JAKMIP3: variants seen among roughly 807,000 people sequenced by gnomAD.
JAKMIP3 encodes the protein Janus kinase and microtubule interacting protein 3, also known as janus kinase and microtubule-interacting protein 3.
In JAKMIP3, 58 loss-of-function variants were observed where a neutral mutation model predicts 118.5. That is an observed-to-expected ratio of 0.49 (90% CI 0.40 to 0.61). JAKMIP3 has a LOEUF of 0.61. Among genes scored for constraint, JAKMIP3 ranks in the 20% least tolerant of loss-of-function variants. The probability of loss-of-function intolerance (pLI) is 0.00; values close to 1 mark genes in which losing one functional copy is unlikely to be tolerated. For synonymous variants in JAKMIP3, 486 were observed against 451.2 expected (o/e 1.08, Z -0.98); for missense variants, 950 against 1,109.0 (o/e 0.86, Z 2.04).
chr10:132,137,745 G>C (rs1263393288), intron 8 of JAKMIP3, among the ~76,000 whole-genome samples: 1 of 152,232 alleles, frequency 6.6e-6, no homozygotes. Flanking sequence ...TCCCCACACA[G>C]ATGTGGACGC....
intron 1 of JAKMIP3, among the ~76,000 whole-genome samples, chr10:132,100,942 G>A (rs953381567): frequency 1.3e-5 from 2 of 152,222 alleles, no homozygotes; most frequent in South Asian, 2.1e-4. Flanking sequence ...TGCCACTTGG[G>A]GGAGATTCAC....
intron 1 of JAKMIP3, among the ~76,000 whole-genome samples, chr10:132,046,404 C>T (rs981955833): frequency 1.3e-5 from 2 of 150,876 alleles, no homozygotes; most frequent in African/African-American, 4.9e-5. Context: ...TGCAGTGAGC[C>T]GAGATCGCGC....
In JAKMIP3 at chr10:132,112,055, G is replaced by C. The variant is rs1024764787; in HGVS notation, c.136-5022G>C. Among the ~76,000 whole-genome samples, 14 of 151,848 alleles carry C rather than the reference G, an allele frequency of 9.2e-5. No homozygotes were observed. In the South Asian group the frequency reaches 2.9e-3, roughly 32 times the overall value. ...GCGGGGGTAGAGCGTGCGGGTGGAC[G>C]GTGCATGGGATGCTCCAGGCTTGGG... On this transcript the variant is annotated intron_variant, in intron 2 of 23. Transcript: ENST00000684848. The surrounding 1 kb of genome is among the most constrained non-coding windows in gnomAD (Gnocchi z 4.3).
At chr10:132,119,058 G>T (rs757666778) in intron 3 of JAKMIP3, among the ~76,000 whole-genome samples, 1 of 152,130 alleles carries the variant, frequency 6.6e-6, no homozygotes, top group African/African-American at 2.4e-5. Flanking sequence ...TCTCACCCCC[G>T]ATCTGAACCC....
chr10:132,079,171 G>A (rs1345457864), intron 1 of JAKMIP3, among the ~76,000 whole-genome samples: 1 of 152,252 alleles, frequency 6.6e-6, no homozygotes, highest in Non-Finnish European at 1.5e-5. Context: ...GCCCCACAGC[G>A]CTGGGGTCTG....
At chr10:132,154,090 C>G (rs1279258741) in intron 19 of JAKMIP3, 100 bp downstream of exon 19, 1 of 967,344 alleles carries the variant, frequency 1.0e-6, no homozygotes, top group Non-Finnish European at 1.6e-6. Context: ...CCATGTGGGC[C>G]AGGTCGCAGG....
intron 3 of JAKMIP3, among the ~76,000 whole-genome samples, chr10:132,119,139 T>C (rs1373317311): frequency 2.6e-5 from 4 of 152,044 alleles, no homozygotes; most frequent in Admixed American, 1.3e-4. Flanking sequence ...AAAAGCATGC[T>C]CCAACCTGTG....
chr10:132,159,598 G>GCTGGGGGGTTC (rs2057673583), intron 19 of JAKMIP3, among the ~76,000 whole-genome samples: 3 of 74,530 alleles, frequency 4.0e-5, no homozygotes. Context: ...CTGGGGGCAT[G>GCTGGGGGGTTC]TCTTCCTATG....
At chr10:132,136,894 G>GT in intron 6 of JAKMIP3, 125 bp from the exon 7 acceptor site, 2 of 1,060,448 alleles carry the variant, frequency 1.9e-6, no homozygotes. Flanking sequence ...CCTGAGCAGA[G>GT]GCCGCCAGCC....
rs376927730 is a variant in JAKMIP3 at position 132,124,863 on chromosome 10, C to T, written c.633+7289C>T. 3.3e-5 allele frequency among the ~76,000 whole-genome samples: 5 copies of T among 152,270 alleles called. 1 individual carries two copies. In the East Asian group the frequency reaches 7.7e-4, roughly 23 times the overall value. On this transcript the variant is annotated intron_variant, in intron 3 of 23. Coordinates refer to ENST00000684848, the MANE Select transcript of JAKMIP3 (RefSeq NM_001323087.2). ...AGAGCCCCCTCTCGTTCTACATCCT[C>T]ATCAGTGACAGTATTGCCATTTCTT...
At chr10:132,126,634 T>A (rs1159825209) in intron 3 of JAKMIP3, among the ~76,000 whole-genome samples, 1 of 152,206 alleles carries the variant, frequency 6.6e-6, no homozygotes, top group Non-Finnish European at 1.5e-5. Context: ...CAGCCAGCAA[T>A]ACTCTTCATC....
At chr10:132,066,213 G>C (rs772538492) in intron 1 of JAKMIP3, among the ~76,000 whole-genome samples, 152 bp downstream of exon 1, 2 of 152,204 alleles carry the variant, frequency 1.3e-5, no homozygotes, top group Non-Finnish European at 2.9e-5. Context: ...CCTCTGAGGG[G>C]TGCAGGGACG....
At chr10:132,139,066 G>GTGTGTGTGTA (rs2052535025) in intron 9 of JAKMIP3, among the ~76,000 whole-genome samples, 1 of 151,046 alleles carries the variant, frequency 6.6e-6, no homozygotes, top group African/African-American at 2.4e-5. Context: ...GTGTGTGTGT[G>GTGTGTGTGTA]TGTATGTGTA....
At chr10:132,151,644 C>T (rs764043110) in intron 16 of JAKMIP3, among the ~76,000 whole-genome samples, 1 of 152,230 alleles carries the variant, frequency 6.6e-6, no homozygotes, top group Admixed American at 6.5e-5. Context: ...TCCCCAAAGG[C>T]ACTGCCCAGG....
intron 1 of JAKMIP3, among the ~76,000 whole-genome samples, chr10:132,096,710 C>T (rs2043915227): frequency 6.6e-6 from 1 of 152,056 alleles, no homozygotes; most frequent in South Asian, 2.1e-4. Flanking sequence ...TCCCTGCTCC[C>T]CCATTAGTAC....
At chr10:132,046,461 G>GA (rs55907923) in intron 1 of JAKMIP3, among the ~76,000 whole-genome samples, 3,287 of 147,742 alleles carry the variant, frequency 0.022, 115 homozygotes, top group African/African-American at 0.076. Context: ...GTCTCAAAAA[G>GA]AAAAAAAAAA....
At chr10:132,143,329 C>G (rs2053944699) in intron 11 of JAKMIP3, among the ~76,000 whole-genome samples, 1 of 152,178 alleles carries the variant, frequency 6.6e-6, no homozygotes, top group African/African-American at 2.4e-5. Context: ...CCGAGACATC[C>G]CAGAGCCTCA....
At chr10:132,058,981 C>T (rs1220477149) in intron 1 of JAKMIP3, among the ~76,000 whole-genome samples, 1 of 152,222 alleles carries the variant, frequency 6.6e-6, no homozygotes, top group Non-Finnish European at 1.5e-5. Context: ...CTTCACGCCA[C>T]CGAGGACTGT....
At chr10:132,140,018 C>T (rs553061021) in intron 9 of JAKMIP3, among the ~76,000 whole-genome samples, 6 of 152,254 alleles carry the variant, frequency 3.9e-5, no homozygotes, top group South Asian at 2.1e-4. Context: ...CACCAGCTGG[C>T]GGAGGACCCC....
Sources: gnomAD v4.1 joint callset for allele counts (sites outside exome capture counted in the v4.1 genomes callset) on GRCh38, gnomAD v4.1.1 for gene constraint, Gnocchi (gnomAD v3.1) non-coding constraint, MANE v1.5 for transcripts, NCBI Gene and HGNC (gene_info 2026-07-23, HGNC 2026-07-21) for gene names.